Variants in C12orf54 observed in about 807,000 individuals in gnomAD.
C12orf54 encodes uncharacterized protein C12orf54.
In C12orf54, 24 loss-of-function variants were observed where a neutral mutation model predicts 26.4. The observed-to-expected ratio is 0.91, with a 90% confidence interval of 0.66 to 1.28. C12orf54 has a LOEUF of 1.28. Ranked by LOEUF, C12orf54 falls within the 50% of genes most tolerant of loss-of-function variation. C12orf54 has a pLI of 0.00. For synonymous variants in C12orf54, 54 were observed against 47.0 expected, an observed-to-expected ratio of 1.15 and a Z score of -0.61; for missense variants, 154 against 150.9, an observed-to-expected ratio of 1.02 and a Z score of -0.11.
At chr12:48,452,698 G>A in the C12orf54 span, among the ~76,000 whole-genome samples, 1 of 151,978 alleles carries the variant, frequency 6.6e-6, no homozygotes, top group African/African-American at 2.4e-5. Flanking sequence ...CAAAAGACAT[G>A]AACAAATACA....
chr12:48,424,597 T>C, the C12orf54 span, among the ~76,000 whole-genome samples: 1 of 152,114 alleles, frequency 6.6e-6, no homozygotes, highest in Admixed American at 6.6e-5. Flanking sequence ...CCTCATATGT[T>C]GCCAATGGGA....
At chr12:48,431,430 T>C in the C12orf54 span, among the ~76,000 whole-genome samples, 5 of 152,216 alleles carry the variant, frequency 3.3e-5, no homozygotes, top group Non-Finnish European at 7.3e-5. Flanking sequence ...AAATGAATGC[T>C]GAATACATGA....
At chr12:48,452,600 T>C in the C12orf54 span, among the ~76,000 whole-genome samples, 2 of 152,130 alleles carry the variant, frequency 1.3e-5, no homozygotes, top group Non-Finnish European at 2.9e-5. Flanking sequence ...TTGCAATCTA[T>C]GCATCTGACA....
chr12:48,425,106 G>A, the C12orf54 span, among the ~76,000 whole-genome samples: 191 of 152,060 alleles, frequency 1.3e-3, no homozygotes, highest in Non-Finnish European at 2.2e-3. Flanking sequence ...TTAGGTTCAG[G>A]GGTACATGTG....
the C12orf54 span, among the ~76,000 whole-genome samples, chr12:48,445,632 C>T: frequency 2.0e-5 from 3 of 152,074 alleles, no homozygotes; most frequent in East Asian, 5.8e-4. Context: ...CTTTCAGCAC[C>T]AGAAACAAGG....
At chr12:48,435,533 G>A in the C12orf54 span, among the ~76,000 whole-genome samples, 1 of 152,214 alleles carries the variant, frequency 6.6e-6, no homozygotes, top group African/African-American at 2.4e-5. Flanking sequence ...TACCCACAAA[G>A]GGAAGCCCAT....
the C12orf54 span, among the ~76,000 whole-genome samples, chr12:48,462,165 G>C: frequency 1.3e-5 from 2 of 150,806 alleles, no homozygotes; most frequent in African/African-American, 4.8e-5. Context: ...CATATTTCTT[G>C]AAAGATACAA....
chr12:48,416,104 C>G, the C12orf54 span, among the ~76,000 whole-genome samples: 2 of 152,178 alleles, frequency 1.3e-5, no homozygotes, highest in Non-Finnish European at 2.9e-5. Flanking sequence ...TTTATCTGAT[C>G]AATTTTAGTA....
intron 4 of C12orf54, 151 bp downstream of exon 4, chr12:48,486,877 C>T: frequency 2.7e-6 from 2 of 742,224 alleles, no homozygotes; most frequent in Non-Finnish European, 4.4e-6. Flanking sequence ...TGTTCTGTTG[C>T]TCGTGCAGTC....
At chr12:48,415,863 T>G in the C12orf54 span, among the ~76,000 whole-genome samples, 1 of 152,140 alleles carries the variant, frequency 6.6e-6, no homozygotes, top group Non-Finnish European at 1.5e-5. Flanking sequence ...TTAGTCAAAA[T>G]GCAACCAACC....
At chr12:48,431,739 T>C in the C12orf54 span, among the ~76,000 whole-genome samples, 2 of 152,302 alleles carry the variant, frequency 1.3e-5, no homozygotes, top group South Asian at 4.1e-4. Flanking sequence ...ATTATTGATA[T>C]CAGTATTGGA....
chr12:48,413,744 GC>G, the C12orf54 span, among the ~76,000 whole-genome samples: 1 of 152,256 alleles, frequency 6.6e-6, no homozygotes. Flanking sequence ...TATAGAGTTT[GC>G]TTTATCCTGA....
chr12:48,459,554 G>T, the C12orf54 span, among the ~76,000 whole-genome samples: 2 of 152,110 alleles, frequency 1.3e-5, no homozygotes, highest in Non-Finnish European at 2.9e-5. Context: ...TGTCATGTGA[G>T]TAAAAAAATA....
chr12:48,424,604 G>A, the C12orf54 span, among the ~76,000 whole-genome samples: 1 of 152,034 alleles, frequency 6.6e-6, no homozygotes, highest in Non-Finnish European at 1.5e-5. Context: ...TGTTGCCAAT[G>A]GGAATACAGA....
At chr12:48,439,944 G>A in the C12orf54 span, among the ~76,000 whole-genome samples, 2 of 152,012 alleles carry the variant, frequency 1.3e-5, no homozygotes, top group Non-Finnish European at 2.9e-5. Flanking sequence ...AATATTCTTG[G>A]CCAGTCACGG....
the C12orf54 span, among the ~76,000 whole-genome samples, chr12:48,435,079 G>A: frequency 6.6e-6 from 1 of 152,302 alleles, no homozygotes; most frequent in African/African-American, 2.4e-5. Flanking sequence ...ACCTGATGGA[G>A]CTGAAAACTA....
At chr12:48,457,785 C>T in the C12orf54 span, among the ~76,000 whole-genome samples, 1 of 152,142 alleles carries the variant, frequency 6.6e-6, no homozygotes, top group Non-Finnish European at 1.5e-5. Flanking sequence ...TCTACCTCCA[C>T]AATGACACTG....
chr12:48,489,470 G>A (rs1937736035), intron 5 of C12orf54, among the ~76,000 whole-genome samples: 1 of 152,022 alleles, frequency 6.6e-6, no homozygotes. Flanking sequence ...TCTGTGCCCA[G>A]GCTGGAGTGC....
At chr12:48,425,452 C>T in the C12orf54 span, among the ~76,000 whole-genome samples, 1 of 152,098 alleles carries the variant, frequency 6.6e-6, no homozygotes, top group South Asian at 2.1e-4. Flanking sequence ...GAAAATGTAC[C>T]ACGTTTTCTT....
Sources: gnomAD v4.1 joint callset for allele counts (sites outside exome capture counted in the v4.1 genomes callset) on GRCh38, gnomAD v4.1.1 for gene constraint, MANE v1.5 for transcripts, NCBI Gene and HGNC (gene_info 2026-07-23, HGNC 2026-07-21) for gene names.